The following PTPN23 variants were observed in gnomAD, a reference collection of about 807,000 sequenced individuals.
The protein encoded by PTPN23 is protein tyrosine phosphatase non-receptor type 23.
PTPN23 carries 72 observed loss-of-function variants against 156.3 expected under a neutral mutation model. The observed-to-expected ratio is 0.46, with a 90% CI of 0.38 to 0.56. PTPN23 has a LOEUF of 0.56. Among genes scored for constraint, PTPN23 ranks in the 20% least tolerant of loss-of-function variants. The pLI is 0.00. For synonymous variants in PTPN23, 957 were observed against 899.6 expected (o/e 1.06, Z -1.14); for missense variants, 1,974 against 2,171.5 (o/e 0.91, Z 1.81).
chr3:47,390,533 C>G lies in PTPN23; in HGVS notation c.85-5610C>G, dbSNP rs182055873. 2.6e-5 allele frequency among the ~76,000 whole-genome samples: 4 copies of G among 152,292 alleles called. 1 individual carries two copies. Among genetic ancestry groups the G allele is most frequent in the Admixed American group, 2.6e-4 (4 of 15,282 alleles). ...CCTCGTCTGCTGCTGGGCCTGCCTT[C>G]TCAGCCTCCATTGGAGCTTCATACT... is the stretch of plus-strand genomic sequence containing the variant. On this transcript the variant is annotated intron_variant, in intron 1 of 24. Transcript: ENST00000265562.
At chr3:47,399,937 C>T (rs1704958900) in intron 2 of PTPN23, among the ~76,000 whole-genome samples, 1 of 152,158 alleles carries the variant, frequency 6.6e-6, no homozygotes, top group South Asian at 2.1e-4. Context: ...ACCTCAGCCT[C>T]CTGAGTACCT....
At position 47,405,757 on chromosome 3, in the gene PTPN23, C is replaced by T; in HGVS notation, c.373C>T (p.His125Tyr). The T allele has an allele frequency of 6.3e-7, 1 of 1,598,992 alleles. No individual in the cohort carries two copies. The highest frequency in any genetic ancestry group is 8.5e-7 in the Non-Finnish European group (1 of 1,173,522). ...GTCCCCTCCCTCCCCAGGAGCGCTG[C>T]ACTCCATGCTGGGGGCCATGGACAA... ...ACILYNLGALHSMLGAMDKRV... is the reference protein window; with the variant it reads ...ACILYNLGALYSMLGAMDKRV... Residue 125 changes from histidine (H) to tyrosine (Y), a missense_variant, in exon 5 of 25, where the codon CAC becomes TAC. Transcript: ENST00000265562. This position sits in a 1 kb window ranked among gnomAD's most constrained non-coding sequence, Gnocchi z 4.7.
At position 47,410,802 on chromosome 3, in the gene PTPN23, C is replaced by T. The variant is rs1705262893; in HGVS notation, c.3004C>T (p.Pro1002Ser). 6.3e-7 allele frequency: 1 copy of T among 1,597,652 alleles called. No individual in the cohort carries two copies. Among genetic ancestry groups the T allele is most frequent in the Non-Finnish European group, 8.6e-7 (1 of 1,167,780 alleles). ...CCCACAATCCCCCTACCCCTATGCCCCTCAGCCTGGGGTCCTGGGGCAGCC... is the reference window on the plus strand; with the variant it reads ...CCCACAATCCCCCTACCCCTATGCCTCTCAGCCTGGGGTCCTGGGGCAGCC... The part of the protein sequence containing the change: ...LPPQSPYPYA[P>S]QPGVLGQPPP... The change falls in exon 20 of 25, where the codon CCT (proline) becomes TCT (serine). Residue 1002 changes from proline (P) to serine (S), a missense_variant. Transcript: ENST00000265562.
rs1474272825 is a variant in PTPN23, at chr3:47,407,819, G to GAGGGTGGCACAGAGGGAGGT, written c.1118+9_1118+28dup. On this transcript the variant is annotated intron_variant, in intron 13 of 24. Coordinates refer to ENST00000265562, the MANE Select transcript of PTPN23 (RefSeq NM_015466.4). The surrounding 1 kb of genome is among the most constrained non-coding windows in gnomAD (Gnocchi z 4.0). ...GGCCTCGTCACTGTACAGGTGGGTGGAGGGTGGCACAGAGGGAGGTGGGGT... is the reference window on the plus strand; with the variant it reads ...GGCCTCGTCACTGTACAGGTGGGTGGAGGGTGGCACAGAGGGAGGTAGGGTGGCACAGAGGGAGGTGGGGT... The GAGGGTGGCACAGAGGGAGGT allele has an allele frequency of 6.2e-7, 1 of 1,614,006 alleles. No individual in the cohort carries two copies. Among genetic ancestry groups the GAGGGTGGCACAGAGGGAGGT allele is most frequent in the African/African-American group, 1.3e-5 (1 of 74,924 alleles).
Position 47,405,852 on chromosome 3 carries a change from C to T in PTPN23, c.414+54C>T. ...TGGACATACCAGGGAGGGGCAGCCT[C>T]CCAAGTATGGATGAATCCTGACCCA... On this transcript the variant is annotated intron_variant, in intron 5 of 24. Coordinates refer to ENST00000265562, the MANE Select transcript of PTPN23 (RefSeq NM_015466.4). This position sits in a 1 kb window ranked among gnomAD's most constrained non-coding sequence, Gnocchi z 4.7. The T allele has an allele frequency of 7.5e-6, 12 of 1,594,424 alleles. 1 individual carries two copies. In the South Asian group the frequency reaches 1.4e-4, roughly 18 times the overall value.
rs543464135 is a variant in PTPN23 at position 47,381,423 on chromosome 3, C to T, written c.84+243C>T. Among the ~76,000 whole-genome samples, 3 of 152,348 alleles carry T rather than the reference C, an allele frequency of 2.0e-5. No individual in the cohort carries two copies. In the East Asian group the frequency reaches 5.8e-4, roughly 29 times the overall value. ...TTCATCTGAACCCGGTTCCCGACTT[C>T]TGCCCCGAGTCATCCGCTGTTCCCA... is the stretch of plus-strand genomic sequence containing the variant. On this transcript the variant is annotated intron_variant, in intron 1 of 24. Coordinates refer to ENST00000265562, the MANE Select transcript of PTPN23 (RefSeq NM_015466.4).
chr3:47,404,902 A>C lies in PTPN23; in HGVS notation c.288-103A>C, dbSNP rs1232218511. 27 of 1,582,568 alleles carry C rather than the reference A, an allele frequency of 1.7e-5. No homozygotes were observed. The South Asian group carries it at 2.9e-4, about 17-fold the overall frequency. On this transcript the variant is annotated intron_variant, in intron 3 of 24. Coordinates refer to ENST00000265562, the MANE Select transcript of PTPN23 (RefSeq NM_015466.4). ...GGGAATGGCCTCATATGGTCCCCCC[A>C]GGCCTCCCCACATCCCCACAATGGG...
rs1705142067 is a variant in PTPN23, at chr3:47,406,982, GCCACCT to G, written c.808-147_808-142del. 8.7e-7 allele frequency: 1 copy of G among 1,155,504 alleles called. No individual in the cohort carries two copies. Among genetic ancestry groups the G allele is most frequent in the Non-Finnish European group, 1.2e-6 (1 of 807,440 alleles). The allele number at this position is 1,155,504 out of a possible 1,614,324, so 71.6% of individuals were successfully genotyped here. ...GCAGGTGGCTGGGGCAGGGTGTGGC[GCCACCT>G]TGCTGCTGTTGGCTGGGGTGGTGCC... On this transcript the variant is annotated intron_variant, in intron 9 of 24. Coordinates refer to ENST00000265562, the MANE Select transcript of PTPN23 (RefSeq NM_015466.4). This position sits in a 1 kb window ranked among gnomAD's most constrained non-coding sequence, Gnocchi z 5.8.
rs141816989 is a variant in PTPN23 at position 47,411,882 on chromosome 3, G to A, written c.3988G>A (p.Val1330Met). ...CAGCGTCCGCAGCACCGAAACCCAT[G>A]TGGAGCGCGTGCTGAGCCTGCAGTT... ...LSSVRSTETH[V>M]ERVLSLQFRD... Residue 1330 changes from valine (V) to methionine (M), a missense_variant, in exon 21 of 25, where the codon GTG becomes ATG. This residue lies in a region of PTPN23 where 484 missense variants were observed against 516.0 expected (regional missense o/e 0.94). Coordinates refer to ENST00000265562, the MANE Select transcript of PTPN23 (RefSeq NM_015466.4). The surrounding 1 kb of genome is among the most constrained non-coding windows in gnomAD (Gnocchi z 6.3). The A allele has an allele frequency of 1.2e-3, 1,951 of 1,613,312 alleles. 2 individuals are homozygous for A. The highest frequency in any genetic ancestry group is 2.7e-3 in the East Asian group (123 of 44,844).
In PTPN23 at chr3:47,409,413, T is replaced by C; in HGVS notation, c.1798-4T>C. ...TCCGTCCCTGGCCCCCACCCCTTCCTCAGAAGTTGTTCGAGGAGCAGCTGA... is the reference window on the plus strand; with the variant it reads ...TCCGTCCCTGGCCCCCACCCCTTCCCCAGAAGTTGTTCGAGGAGCAGCTGA... On this transcript the variant is annotated splice_polypyrimidine_tract_variant and splice_region_variant and intron_variant, in intron 17 of 24. Transcript: ENST00000265562. The C allele has an allele frequency of 6.2e-7, 1 of 1,613,938 alleles. No individual in the cohort carries two copies. The highest frequency in any genetic ancestry group is 8.5e-7 in the Non-Finnish European group (1 of 1,179,968).
chr3:47,383,874 C>T (rs568503333), intron 1 of PTPN23, among the ~76,000 whole-genome samples: 1 of 152,294 alleles, frequency 6.6e-6, no homozygotes, highest in African/African-American at 2.4e-5. Context: ...CCACTGCAGC[C>T]TGGGGACTCT....
chr3:47,412,249 C>T (rs1705324981), intron 22 of PTPN23, 34 bp from the exon 23 acceptor site: 1 of 1,612,964 alleles, frequency 6.2e-7, no homozygotes, highest in Admixed American at 1.7e-5. Context: ...GGCCTAGCCT[C>T]ATACCCCGGC....
At chr3:47,381,212 G>A (rs1704529492) in intron 1 of PTPN23, 32 bp downstream of exon 1, 1 of 1,557,788 alleles carries the variant, frequency 6.4e-7, no homozygotes, top group Non-Finnish European at 8.7e-7. Flanking sequence ...CCCCCTATCC[G>A]CCGCGTATCT....
rs1167043593 is a variant in PTPN23, at chr3:47,409,252, C to T, written c.1732C>T (p.Arg578Cys). The change falls in exon 17 of 25, where the codon CGT becomes TGT. Residue 578 changes from arginine to cysteine, a missense_variant. Physicochemically the swap from Arg to Cys is radical, Grantham distance 180. This residue lies in a region of PTPN23 where 726 missense variants were observed against 929.5 expected (regional missense o/e 0.78). Coordinates refer to ENST00000265562, the MANE Select transcript of PTPN23 (RefSeq NM_015466.4). Reference sequence around the variant, plus strand: ...GCGCGTGTCCCTGGAGCAGCAGCTGCGTGAGCTTATCCAGAAAGATGACAT... The same window carrying T: ...GCGCGTGTCCCTGGAGCAGCAGCTGTGTGAGCTTATCCAGAAAGATGACAT... ...DQRVSLEQQL[R>C]ELIQKDDITA... 1.9e-6 allele frequency: 3 copies of T among 1,614,174 alleles called. No homozygotes were observed. The highest frequency in any genetic ancestry group is 2.7e-5 in the African/African-American group (2 of 75,066).
In PTPN23 at chr3:47,410,468, C is replaced by T; in HGVS notation, c.2670C>T (p.Pro890=). The change falls in exon 20 of 25, where the codon CCC becomes CCT. Residue 890 remains proline, a synonymous_variant. Coordinates refer to ENST00000265562, the MANE Select transcript of PTPN23 (RefSeq NM_015466.4). The stretch of plus-strand genomic sequence containing the variant: ...CCACAGTAGATAGCATCCAGGCGCC[C>T]ATCCCCAGCCACACAGCCCCACGGC... ...ATTTVDSIQA[P]IPSHTAPRPN... The T allele has an allele frequency of 6.2e-7, 1 of 1,610,552 alleles. No individual in the cohort carries two copies.
At chr3:47,387,420 AAAG>A (rs971527416) in intron 1 of PTPN23, among the ~76,000 whole-genome samples, 1 of 150,824 alleles carries the variant, frequency 6.6e-6, no homozygotes, top group Non-Finnish European at 1.5e-5. Context: ...AAAAAAAAAA[AAAG>A]AAAGGTCAGG....
intron 2 of PTPN23, among the ~76,000 whole-genome samples, chr3:47,403,143 C>T (rs530032217): frequency 6.6e-5 from 10 of 152,054 alleles, no homozygotes; most frequent in East Asian, 5.8e-4. Flanking sequence ...CTCCGCCCCC[C>T]GGGGGTTCAC....
chr3:47,399,325 A>G (rs1704945142), intron 2 of PTPN23, among the ~76,000 whole-genome samples: 1 of 152,082 alleles, frequency 6.6e-6, no homozygotes, highest in African/African-American at 2.4e-5. Context: ...GCCTTTGCCT[A>G]GAAGTTGCAA....
rs755620380 is a variant in PTPN23, at chr3:47,412,845, C to T, written c.4571C>T (p.Ala1524Val). 4.3e-6 allele frequency: 7 copies of T among 1,613,282 alleles called. No homozygotes were observed. In the Admixed American group the frequency reaches 5.0e-5, roughly 12 times the overall value. ...CCGGTTGCCAGCTTGCCAGGCCCTGCAGAGCCCCCAGGCCTCCCGCCAGCC... is the reference window on the plus strand; with the variant it reads ...CCGGTTGCCAGCTTGCCAGGCCCTGTAGAGCCCCCAGGCCTCCCGCCAGCC... ...ESPVASLPGP[A>V]EPPGLPPASL... Residue 1524 changes from alanine (A) to valine (V), a missense_variant, in exon 25 of 25, where the codon GCA becomes GTA. Physicochemically the swap from Ala to Val is moderately conservative, Grantham distance 64. This residue lies in a region of PTPN23 where 484 missense variants were observed against 516.0 expected (regional missense o/e 0.94). Transcript: ENST00000265562.
Sources: allele counts gnomAD v4.1 joint callset (sites outside exome capture counted in the v4.1 genomes callset), GRCh38; gene constraint gnomAD v4.1.1; regional missense constraint gnomAD v4.1.1; non-coding constraint Gnocchi (gnomAD v3.1); transcripts MANE v1.5; gene names NCBI Gene and HGNC (gene_info 2026-07-23, HGNC 2026-07-21).